RBFOX3: variants seen among roughly 807,000 people sequenced by gnomAD.
RBFOX3 encodes RNA binding fox-1 homolog 3, also known as RNA binding protein fox-1 homolog 3.
A neutral mutation model predicts 48.7 loss-of-function variants in RBFOX3; 17 were observed. That is an observed-to-expected ratio of 0.35 (90% CI 0.24 to 0.52). The LOEUF (loss-of-function observed/expected upper bound fraction) is 0.52. Among genes scored for constraint, RBFOX3 ranks in the 20% least tolerant of loss-of-function variants. The pLI is 0.94. For missense variants in RBFOX3, 382 were observed against 497.5 expected, an observed-to-expected ratio of 0.77 and a Z score of 2.21; for synonymous variants, 212 against 209.5, an observed-to-expected ratio of 1.01 and a Z score of -0.10.
At chr17:79,200,351 A>G (rs1407106538) in intron 4 of RBFOX3, among the ~76,000 whole-genome samples, 2 of 152,208 alleles carry the variant, frequency 1.3e-5, no homozygotes, top group African/African-American at 4.8e-5. Context: ...CTCCAGGGAA[A>G]GCCAAAGCCT....
intron 4 of RBFOX3, among the ~76,000 whole-genome samples, chr17:79,141,112 C>T (rs1401024788): frequency 6.6e-6 from 1 of 152,170 alleles, no homozygotes; most frequent in East Asian, 1.9e-4. Context: ...GGGGATGCAC[C>T]GTGGCTCACG....
At chr17:79,474,434 A>G (rs1357512160) in intron 2 of RBFOX3, among the ~76,000 whole-genome samples, 1 of 152,102 alleles carries the variant, frequency 6.6e-6, no homozygotes, top group African/African-American at 2.4e-5. Context: ...ACGAGGACTA[A>G]CCCTCCTTTC....
intron 2 of RBFOX3, among the ~76,000 whole-genome samples, chr17:79,367,646 C>T (rs576221861): frequency 1.8e-4 from 27 of 152,258 alleles, no homozygotes; most frequent in African/African-American, 6.3e-4. Flanking sequence ...CCCCAGCCAC[C>T]TACTACGGGA....
At chr17:79,524,686 G>C (rs918563613) in intron 1 of RBFOX3, among the ~76,000 whole-genome samples, 2 of 152,184 alleles carry the variant, frequency 1.3e-5, no homozygotes, top group African/African-American at 4.8e-5. Flanking sequence ...GCCCCCGGCC[G>C]GGCTGGGAGC....
At chr17:79,486,716 G>A (rs2079660528) in intron 1 of RBFOX3, among the ~76,000 whole-genome samples, 1 of 152,224 alleles carries the variant, frequency 6.6e-6, no homozygotes, top group Non-Finnish European at 1.5e-5. Flanking sequence ...CCCCAGAAGA[G>A]CTGGGAAGCA....
At chr17:79,139,223 C>T (rs1309647748) in intron 4 of RBFOX3, among the ~76,000 whole-genome samples, 1 of 152,102 alleles carries the variant, frequency 6.6e-6, no homozygotes, top group African/African-American at 2.4e-5. Flanking sequence ...GGCACCCTCC[C>T]CACAAACACA....
rs1031718065 is a variant in RBFOX3 at position 79,199,168 on chromosome 17, G to A, written c.-34+36598C>T. Among the ~76,000 whole-genome samples, 1 of 152,108 alleles carries A rather than the reference G, an allele frequency of 6.6e-6. No homozygotes were observed. Among genetic ancestry groups the A allele is most frequent in the Non-Finnish European group, 1.5e-5 (1 of 68,012 alleles). On this transcript the variant is annotated intron_variant, in intron 4 of 14. Coordinates refer to ENST00000693108, the MANE Select transcript of RBFOX3 (RefSeq NM_001350451.2). This position sits in a 1 kb window ranked among gnomAD's most constrained non-coding sequence, Gnocchi z 5.1. ...AGGGTGCAGCTGTGGTCATAGGGTG[G>A]GGATGGGAAGGCAGACTCTGGCTGG...
In RBFOX3 at chr17:79,104,121, G is replaced by A. The variant is rs766679850; in HGVS notation, c.366C>T (p.Phe122=). The part of the protein sequence containing the change: ...DPDLRQMFGQ[F]GKILDVEIIF... ...TGATCTCCACGTCTAAAATTTTTCCGAATTGCTGCAGAGACAGAGACAAAG... is the reference window on the plus strand; with the variant it reads ...TGATCTCCACGTCTAAAATTTTTCCAAATTGCTGCAGAGACAGAGACAAAG... The change falls in exon 7 of 15, where the codon TTC becomes TTT. Residue 122 remains phenylalanine, a synonymous_variant. Transcript: ENST00000693108. 7.1e-6 allele frequency: 11 copies of A among 1,551,248 alleles called. No homozygotes were observed. The highest frequency in any genetic ancestry group is 9.6e-6 in the Non-Finnish European group (11 of 1,146,820).
Position 79,090,872 on chromosome 17 carries a change from G to A in RBFOX3, c.*11C>T, listed in dbSNP as rs1347656611. 3.3e-5 allele frequency: 50 copies of A among 1,530,014 alleles called. 1 individual carries two copies. The highest frequency in any genetic ancestry group is 2.0e-4 in the South Asian group (16 of 80,962). The allele number at this position is 1,530,014 out of a possible 1,614,324, so 94.8% of individuals were successfully genotyped here. The stretch of plus-strand genomic sequence containing the variant: ...GCCCTTCATGGTCCGAGAAGGAAAC[G>A]GTGGAAGGTTTCACTACAACAGAAA... On this transcript the variant is annotated 3_prime_UTR_variant, in exon 15 of 15. Coordinates refer to ENST00000693108, the MANE Select transcript of RBFOX3 (RefSeq NM_001350451.2).
At chr17:79,179,970 G>C (rs2051513412) in intron 4 of RBFOX3, among the ~76,000 whole-genome samples, 1 of 152,232 alleles carries the variant, frequency 6.6e-6, no homozygotes, top group Non-Finnish European at 1.5e-5. Context: ...GGGCTGAGTG[G>C]GCAGGAAAGC....
In RBFOX3 at chr17:79,199,280, T is replaced by G. The variant is rs946882758; in HGVS notation, c.-34+36486A>C. 3.9e-5 allele frequency among the ~76,000 whole-genome samples: 6 copies of G among 152,172 alleles called. No individual in the cohort carries two copies. The highest frequency in any genetic ancestry group is 1.2e-4 in the African/African-American group (5 of 41,434). On this transcript the variant is annotated intron_variant, in intron 4 of 14. Coordinates refer to ENST00000693108, the MANE Select transcript of RBFOX3 (RefSeq NM_001350451.2). The surrounding 1 kb of genome is among the most constrained non-coding windows in gnomAD (Gnocchi z 5.1). ...TCGGCAGCACCACCCACCAGCCCCT[T>G]CCGGTGGACTTCACACCTGCACGGC...
Position 79,272,055 on chromosome 17 carries a change from G to A in RBFOX3, c.-74+35669C>T, listed in dbSNP as rs148768014. ...CCATCTCCCTTTTCGGGGTGGGAACGCCGAGGCTGAGAGACGACGGAAACT... is the reference window on the plus strand; with the variant it reads ...CCATCTCCCTTTTCGGGGTGGGAACACCGAGGCTGAGAGACGACGGAAACT... On this transcript the variant is annotated intron_variant, in intron 3 of 14. Transcript: ENST00000693108. Among the ~76,000 whole-genome samples the A allele has an allele frequency of 3.2e-3, 493 of 152,366 alleles. 2 individuals are homozygous for A. The highest frequency in any genetic ancestry group is 0.011 in the African/African-American group (449 of 41,590).
intron 2 of RBFOX3, among the ~76,000 whole-genome samples, chr17:79,424,765 G>T (rs1301299700): frequency 6.6e-6 from 1 of 152,156 alleles, no homozygotes; most frequent in African/African-American, 2.4e-5. Context: ...GTCCTTCCTG[G>T]GGTCATCCCT....
chr17:79,351,039 G>A (rs2083841432), intron 2 of RBFOX3, among the ~76,000 whole-genome samples: 1 of 152,238 alleles, frequency 6.6e-6, no homozygotes, highest in African/African-American at 2.4e-5. Flanking sequence ...GCATCTGGCT[G>A]TTTCACCCGA....
chr17:79,560,380 G>A (rs1463724797), intron 1 of RBFOX3, among the ~76,000 whole-genome samples: 2 of 152,154 alleles, frequency 1.3e-5, no homozygotes, highest in African/African-American at 4.8e-5. Context: ...CACTGCAAAT[G>A]AAGTGCCCTC....
chr17:79,622,106 ACT>A, the RBFOX3 span, among the ~76,000 whole-genome samples: 445 of 149,428 alleles, frequency 3.0e-3, 2 homozygotes, highest in Middle Eastern at 7.1e-3. Context: ...CCTCCTGGAG[ACT>A]CTCTGTGGGT....
At chr17:79,359,632 G>A (rs959013332) in intron 2 of RBFOX3, among the ~76,000 whole-genome samples, 1 of 152,068 alleles carries the variant, frequency 6.6e-6, no homozygotes, top group African/African-American at 2.4e-5. Context: ...CCCCGACTAA[G>A]GCAGGACCAT....
intron 2 of RBFOX3, among the ~76,000 whole-genome samples, chr17:79,383,241 G>A (rs560621556): frequency 6.6e-6 from 1 of 152,178 alleles, no homozygotes; most frequent in African/African-American, 2.4e-5. Flanking sequence ...GCCACCCCTC[G>A]CCTCCTTCAC....
chr17:79,554,724 A>C (rs1306211730), intron 1 of RBFOX3, among the ~76,000 whole-genome samples: 1 of 152,260 alleles, frequency 6.6e-6, no homozygotes, highest in Non-Finnish European at 1.5e-5. Context: ...GGTGGATAGT[A>C]ATTTTGATGT....
Sources: gnomAD v4.1 joint callset for allele counts (sites outside exome capture counted in the v4.1 genomes callset) on GRCh38, gnomAD v4.1.1 for gene constraint, Gnocchi (gnomAD v3.1) non-coding constraint, MANE v1.5 for transcripts, NCBI Gene and HGNC (gene_info 2026-07-23, HGNC 2026-07-21) for gene names.